CHN2: variants seen among roughly 807,000 people sequenced by gnomAD.
CHN2 encodes the protein chimerin 2, also known as beta-chimaerin.
CHN2 carries 35 observed loss-of-function variants against 56.3 expected under a neutral mutation model. That is an observed-to-expected ratio of 0.62 (90% confidence interval 0.47 to 0.82). CHN2 has a LOEUF of 0.82. Among genes scored for constraint, CHN2 ranks in the 40% least tolerant of loss-of-function variants. CHN2 has a pLI of 0.00. For synonymous variants in CHN2, 210 were observed against 212.8 expected, an observed-to-expected ratio of 0.99 and a Z score of 0.12; for missense variants, 491 against 580.5, an observed-to-expected ratio of 0.85 and a Z score of 1.58.
chr7:29,367,918 CTCTT>C lies in CHN2; in HGVS notation c.89-12_89-9del, dbSNP rs781575217. 1.2e-5 allele frequency: 19 copies of C among 1,604,890 alleles called. No homozygotes were observed. In the African/African-American group the frequency reaches 2.6e-4, roughly 22 times the overall value. The stretch of plus-strand genomic sequence containing the variant: ...TCTAATTATTTCTCTCTCTCTCTCT[CTCTT>C]TTTTGGCAGTATATCAGTTACAGCA... On this transcript the variant is annotated splice_polypyrimidine_tract_variant and intron_variant, in intron 2 of 12. Transcript: ENST00000222792.
chr7:29,194,834 C>A lies in CHN2; in HGVS notation c.-108C>A. On this transcript the variant is annotated 5_prime_UTR_variant, in exon 1 of 13. Coordinates refer to ENST00000222792, the MANE Select transcript of CHN2 (RefSeq NM_004067.4). The stretch of plus-strand genomic sequence containing the variant: ...TGGTGCTTTCTGCGCGTCCCCAGGA[C>A]TTTGCCATGGGCTGGGGGCCGCGGA... The A allele has an allele frequency of 9.4e-7, 1 of 1,066,984 alleles. No homozygotes were observed. The highest frequency in any genetic ancestry group is 1.2e-6 in the Non-Finnish European group (1 of 810,288). 66.1% of individuals were successfully genotyped at this position (1,066,984 alleles called of 1,614,324 possible).
At chr7:29,198,050 A>G (rs1394413016) in intron 1 of CHN2, 2 of 456,296 alleles carry the variant, frequency 4.4e-6, no homozygotes, top group African/African-American at 2.0e-5. Flanking sequence ...CATAAGCAGC[A>G]TCATGCACAG....
intron 2 of CHN2, among the ~76,000 whole-genome samples, chr7:29,354,972 ATTT>A (rs869304476): frequency 7.4e-6 from 1 of 135,312 alleles, no homozygotes; most frequent in South Asian, 2.3e-4. Context: ...TTATTTATTT[ATTT>A]TTTATTTATT....
chr7:29,223,657 A>G (rs1200189450), intron 1 of CHN2, among the ~76,000 whole-genome samples: 1 of 152,080 alleles, frequency 6.6e-6, no homozygotes, highest in Non-Finnish European at 1.5e-5. Context: ...AATTGTATAC[A>G]CTTAGTAATT....
At chr7:29,219,244 C>T (rs1055603056) in intron 1 of CHN2, among the ~76,000 whole-genome samples, 3 of 151,996 alleles carry the variant, frequency 2.0e-5, no homozygotes, top group Non-Finnish European at 2.9e-5. Flanking sequence ...TGCTTAGAAA[C>T]GTTTTTAGGA....
At chr7:29,320,534 A>G (rs1239167055) in intron 1 of CHN2, among the ~76,000 whole-genome samples, 5 of 152,226 alleles carry the variant, frequency 3.3e-5, no homozygotes, top group Non-Finnish European at 7.3e-5. Context: ...CCGAGTAAAT[A>G]TGAAAGAAAC....
chr7:29,402,019 A>G (rs996199513), intron 6 of CHN2, among the ~76,000 whole-genome samples: 9 of 152,302 alleles, frequency 5.9e-5, no homozygotes, highest in Non-Finnish European at 1.2e-4. Flanking sequence ...GATAGGAGCT[A>G]CAGCCCCGCC....
At chr7:29,282,038 C>T (rs1476238433) in intron 1 of CHN2, among the ~76,000 whole-genome samples, 3 of 151,704 alleles carry the variant, frequency 2.0e-5, no homozygotes. Flanking sequence ...ATAGAACAGG[C>T]CGGGATGGGA....
At chr7:29,264,027 C>T (rs1203178208) in intron 1 of CHN2, among the ~76,000 whole-genome samples, 29 of 150,170 alleles carry the variant, frequency 1.9e-4, no homozygotes, top group Admixed American at 1.8e-3. Context: ...GGGCAGGCCC[C>T]GGGTGGGGGG....
At chr7:29,202,197 G>A (rs1487528574) in intron 1 of CHN2, among the ~76,000 whole-genome samples, 2 of 152,208 alleles carry the variant, frequency 1.3e-5, no homozygotes. Context: ...TGTGTGGACT[G>A]AGGTTGCTAG....
intron 1 of CHN2, among the ~76,000 whole-genome samples, chr7:29,294,028 A>G (rs932388372): frequency 4.0e-5 from 6 of 151,736 alleles, no homozygotes; most frequent in East Asian, 1.9e-4. Context: ...CACCACGCCC[A>G]GCTAATTTTT....
chr7:29,221,438 C>T (rs1043854915), intron 1 of CHN2, among the ~76,000 whole-genome samples: 1 of 151,930 alleles, frequency 6.6e-6, no homozygotes, highest in Admixed American at 6.6e-5. Context: ...AAATCAAGTA[C>T]CTAGTAGTAA....
intron 1 of CHN2, among the ~76,000 whole-genome samples, chr7:29,231,233 G>T (rs1786677523): frequency 6.6e-6 from 1 of 152,138 alleles, no homozygotes; most frequent in Non-Finnish European, 1.5e-5. Flanking sequence ...TGTGACCTTG[G>T]TACTTGGTCC....
At chr7:29,197,949 AAG>A (rs1465209559) in intron 1 of CHN2, 1 of 456,190 alleles carries the variant, frequency 2.2e-6, no homozygotes, top group Non-Finnish European at 4.4e-6. Context: ...ACATTTCAGG[AAG>A]AGAGAAGAGC....
chr7:29,289,830 A>G (rs1440576454), intron 1 of CHN2, among the ~76,000 whole-genome samples: 1 of 152,200 alleles, frequency 6.6e-6, no homozygotes, highest in Non-Finnish European at 1.5e-5. Flanking sequence ...AAATGTTACC[A>G]AAAAAGAGAA....
At chr7:29,198,640 C>T (rs1009964758) in intron 1 of CHN2, among the ~76,000 whole-genome samples, 1 of 152,140 alleles carries the variant, frequency 6.6e-6, no homozygotes, top group Admixed American at 6.5e-5. Context: ...AAGTTCTTAT[C>T]CTTAAGCTTC....
chr7:29,451,541 T>A (rs1784402518), intron 6 of CHN2, among the ~76,000 whole-genome samples: 1 of 151,882 alleles, frequency 6.6e-6, no homozygotes. Context: ...ACAATGTTTT[T>A]AAAATAAATT....
At chr7:29,294,959 T>C (rs757582704) in intron 1 of CHN2, among the ~76,000 whole-genome samples, 109 of 152,152 alleles carry the variant, frequency 7.2e-4, no homozygotes, top group Non-Finnish European at 1.3e-3. Context: ...AGGGCAGTCA[T>C]CCTCTGTATC....
intron 6 of CHN2, among the ~76,000 whole-genome samples, chr7:29,416,911 T>C (rs909243260): frequency 1.3e-5 from 2 of 152,056 alleles, no homozygotes; most frequent in African/African-American, 4.8e-5. Flanking sequence ...ATTGTGGAGC[T>C]CCTTGCTGGC....
Sources: gnomAD v4.1 joint callset for allele counts (sites outside exome capture counted in the v4.1 genomes callset) on GRCh38, gnomAD v4.1.1 for gene constraint, MANE v1.5 for transcripts, NCBI Gene and HGNC (gene_info 2026-07-23, HGNC 2026-07-21) for gene names.